Variants in BMPR1A observed in about 807,000 individuals in gnomAD.
BMPR1A encodes the protein bone morphogenetic protein receptor type-1A.
Under a neutral mutation model 66.0 loss-of-function variants are expected in BMPR1A, and 7 were observed. That is an observed-to-expected ratio of 0.11 (90% CI 0.06 to 0.20). BMPR1A has a LOEUF of 0.20. BMPR1A is among the 10% of genes least tolerant of loss of function. BMPR1A has a pLI of 1.00. For missense variants in BMPR1A, 408 were observed against 669.1 expected, an observed-to-expected ratio of 0.61 and a Z score of 4.31; for synonymous variants, 200 against 229.7, an observed-to-expected ratio of 0.87 and a Z score of 1.17.
chr10:86,870,451 C>A (rs1421364097), intron 2 of BMPR1A, among the ~76,000 whole-genome samples: 2 of 152,150 alleles, frequency 1.3e-5, no homozygotes, highest in Non-Finnish European at 2.9e-5. Context: ...GAGACAAGGT[C>A]TCGCTCTGTT....
At position 86,919,148 on chromosome 10, in the gene BMPR1A, C is replaced by G. The variant is rs1231022823; in HGVS notation, c.869-24C>G. On this transcript the variant is annotated intron_variant, in intron 9 of 12. Coordinates refer to ENST00000372037, the MANE Select transcript of BMPR1A (RefSeq NM_004329.3). ...TAGCCTATCTCTGATGATAACTAAC[C>G]TTTTAAACTCATCAACTGGACAGGT... 5.0e-6 allele frequency: 8 copies of G among 1,613,496 alleles called. No individual in the cohort carries two copies. In the East Asian group the frequency reaches 1.6e-4, roughly 31 times the overall value.
intron 1 of BMPR1A, among the ~76,000 whole-genome samples, chr10:86,766,310 A>G (rs571226124): frequency 6.6e-6 from 1 of 152,216 alleles, no homozygotes; most frequent in East Asian, 1.9e-4. Context: ...CTCATTCTTT[A>G]TAGTAGTTAA....
intron 1 of BMPR1A, among the ~76,000 whole-genome samples, chr10:86,813,012 C>T (rs1841991457): frequency 6.6e-6 from 1 of 152,090 alleles, no homozygotes; most frequent in South Asian, 2.1e-4. Flanking sequence ...TTTTTACTGT[C>T]TTCATAGTTT....
rs972239500 is a variant in BMPR1A, at chr10:86,922,909, C to T, written c.1343-467C>T. Among the ~76,000 whole-genome samples the T allele has an allele frequency of 6.6e-5, 10 of 152,356 alleles. No homozygotes were observed. In the East Asian group the frequency reaches 1.2e-3, roughly 18 times the overall value. On this transcript the variant is annotated intron_variant, in intron 11 of 12. Coordinates refer to ENST00000372037, the MANE Select transcript of BMPR1A (RefSeq NM_004329.3). ...GGGAACTGTTTACCATTTGTGTACCCGGGCACTGGCCAAGGCCAAACCTTG... is the reference window on the plus strand; with the variant it reads ...GGGAACTGTTTACCATTTGTGTACCTGGGCACTGGCCAAGGCCAAACCTTG...
At chr10:86,815,827 T>A (rs1461612292) in intron 1 of BMPR1A, among the ~76,000 whole-genome samples, 1 of 152,180 alleles carries the variant, frequency 6.6e-6, no homozygotes, top group African/African-American at 2.4e-5. Context: ...CCTTTGCTCC[T>A]TGATGTTAGA....
downstream of BMPR1A, chr10:86,931,313 A>ATTTT (rs1554892388): frequency 7.5e-6 from 1 of 133,042 alleles, no homozygotes; most frequent in African/African-American, 3.1e-5. Flanking sequence ...ATATATATAT[A>ATTTT]TTCAAGCAAT....
chr10:86,790,162 CAAAAAAAAAA>C (rs1170317792), intron 1 of BMPR1A, among the ~76,000 whole-genome samples: 48 of 7,192 alleles, frequency 6.7e-3, no homozygotes, highest in Middle Eastern at 0.25. Flanking sequence ...ACTCTGTCTC[CAAAAAAAAAA>C]AAAAAAAAAA....
chr10:86,885,335 C>T (rs1360446178), intron 3 of BMPR1A, among the ~76,000 whole-genome samples: 1 of 152,096 alleles, frequency 6.6e-6, no homozygotes, highest in African/African-American at 2.4e-5. Flanking sequence ...CATTTTTTTA[C>T]ATGTTGTCTG....
chr10:86,776,412 G>A (rs1424403284), intron 1 of BMPR1A, among the ~76,000 whole-genome samples: 1 of 152,196 alleles, frequency 6.6e-6, no homozygotes, highest in Non-Finnish European at 1.5e-5. Context: ...TTCGGTTAGT[G>A]AAAATAAAAA....
chr10:86,760,197 T>G (rs545824083), intron 1 of BMPR1A, among the ~76,000 whole-genome samples: 6,795 of 146,092 alleles, frequency 0.047, 348 homozygotes, highest in Non-Finnish European at 0.071. Flanking sequence ...TGTTTTTTTT[T>G]TTTTTTTTTT....
At chr10:86,830,290 G>C (rs1046249039) in intron 1 of BMPR1A, among the ~76,000 whole-genome samples, 1 of 152,206 alleles carries the variant, frequency 6.6e-6, no homozygotes, top group Admixed American at 6.5e-5. Context: ...GGCTTAGCAG[G>C]GTTCTTTGCT....
intron 7 of BMPR1A, among the ~76,000 whole-genome samples, chr10:86,902,961 T>G (rs905415035): frequency 2.6e-5 from 4 of 152,310 alleles, no homozygotes; most frequent in African/African-American, 9.6e-5. Flanking sequence ...GTTGAAGGAC[T>G]CAGGAGGATT....
intron 1 of BMPR1A, among the ~76,000 whole-genome samples, chr10:86,817,320 C>T (rs550804369): frequency 6.6e-6 from 1 of 152,242 alleles, no homozygotes; most frequent in South Asian, 2.1e-4. Context: ...CTACTAAGTA[C>T]GTCATATAAG....
At chr10:86,875,032 TTTTTC>T (rs997261291) in intron 2 of BMPR1A, among the ~76,000 whole-genome samples, 8 of 151,480 alleles carry the variant, frequency 5.3e-5, no homozygotes, top group African/African-American at 1.9e-4. Context: ...ACCTGGCTCC[TTTTTC>T]TTTTTTTTCC....
At chr10:86,793,604 C>T (rs1841663160) in intron 1 of BMPR1A, among the ~76,000 whole-genome samples, 1 of 152,066 alleles carries the variant, frequency 6.6e-6, no homozygotes, top group Non-Finnish European at 1.5e-5. Flanking sequence ...CCTGCCTCGG[C>T]CTCCCAAAGT....
At chr10:86,799,495 TTCCTTCC>T (rs1358766720) in intron 1 of BMPR1A, among the ~76,000 whole-genome samples, 7 of 113,002 alleles carry the variant, frequency 6.2e-5, no homozygotes, top group Non-Finnish European at 1.0e-4. Flanking sequence ...CCTTCCTTCC[TTCCTTCC>T]TTCCTTTCTT....
At position 86,789,095 on chromosome 10, in the gene BMPR1A, A is replaced by G. The variant is rs531154672; in HGVS notation, c.-268+32176A>G. The stretch of plus-strand genomic sequence containing the variant: ...CTGGAAGAATTAGATATTCAGTTGC[A>G]AAAGAATGCAATTAGACCTTTACCT... On this transcript the variant is annotated intron_variant, in intron 1 of 12. Transcript: ENST00000372037. 3.9e-5 allele frequency among the ~76,000 whole-genome samples: 6 copies of G among 152,348 alleles called. No homozygotes were observed. The South Asian group carries it at 6.2e-4, about 16-fold the overall frequency.
chr10:86,812,074 A>AC (rs900095288), intron 1 of BMPR1A, among the ~76,000 whole-genome samples: 6 of 151,710 alleles, frequency 4.0e-5, no homozygotes, highest in Non-Finnish European at 5.9e-5. Flanking sequence ...AAAAAAAAAA[A>AC]CCCTAAAAAT....
At chr10:86,802,172 GAC>G (rs1841821119) in intron 1 of BMPR1A, among the ~76,000 whole-genome samples, 1 of 152,126 alleles carries the variant, frequency 6.6e-6, no homozygotes, top group South Asian at 2.1e-4. Flanking sequence ...TAGCCGCTGT[GAC>G]ACAACTCTGC....
Sources: allele counts gnomAD v4.1 joint callset (sites outside exome capture counted in the v4.1 genomes callset), GRCh38; gene constraint gnomAD v4.1.1; transcripts MANE v1.5; gene names NCBI Gene and HGNC (gene_info 2026-07-23, HGNC 2026-07-21).